Variants in LMNTD1 observed in about 807,000 individuals in gnomAD.
The protein encoded by LMNTD1 is lamin tail domain containing 1.
Under a neutral mutation model 50.9 loss-of-function variants are expected in LMNTD1, and 35 were observed. That is an observed-to-expected ratio of 0.69 (90% CI 0.53 to 0.91). The LOEUF (loss-of-function observed/expected upper bound fraction) is 0.91. Among genes scored for constraint, LMNTD1 ranks in the 40% least tolerant of loss-of-function variants. The pLI is 0.00. For missense variants in LMNTD1, 470 were observed against 475.5 expected (o/e 0.99, Z 0.11); for synonymous variants, 153 against 161.9 (o/e 0.94, Z 0.42).
At chr12:25,591,811 C>CAGAGAGAGAGAGAGAGAGAGAGAGAG in intron 1 of LMNTD1, among the ~76,000 whole-genome samples, 1 of 90,088 alleles carries the variant, frequency 1.1e-5, no homozygotes, top group Admixed American at 1.2e-4. Flanking sequence ...TAGCTCAGAA[C>CAGAGAGAGAGAGAGAGAGAGAGAGAG]AGAGAGAGAG....
chr12:25,600,024 A>G (rs1003199477), intron 1 of LMNTD1, among the ~76,000 whole-genome samples: 1 of 152,100 alleles, frequency 6.6e-6, no homozygotes, highest in East Asian at 1.9e-4. Context: ...AACTGGAGGA[A>G]TCATGTTACC....
intron 1 of LMNTD1, among the ~76,000 whole-genome samples, chr12:25,591,668 G>A (rs957466982): frequency 1.3e-5 from 2 of 151,986 alleles, no homozygotes; most frequent in African/African-American, 4.8e-5. Context: ...AGCAAACATA[G>A]GGCATAGCCA....
chr12:25,641,846 A>G (rs1192294260), intron 1 of LMNTD1, among the ~76,000 whole-genome samples: 2 of 151,942 alleles, frequency 1.3e-5, no homozygotes, highest in Non-Finnish European at 2.9e-5. Flanking sequence ...TTCCCATCCT[A>G]ATTTTTTTTC....
chr12:25,518,617 A>G (rs1197965692), intron 8 of LMNTD1, among the ~76,000 whole-genome samples, 178 bp downstream of exon 8: 4 of 152,214 alleles, frequency 2.6e-5, no homozygotes, highest in African/African-American at 9.6e-5. Flanking sequence ...AGTGGAAGAC[A>G]CTGTGCTAGG....
chr12:25,587,770 G>A (rs1211873762), intron 1 of LMNTD1, among the ~76,000 whole-genome samples: 1 of 152,168 alleles, frequency 6.6e-6, no homozygotes, highest in African/African-American at 2.4e-5. Context: ...GGTTAAGGGA[G>A]GGCATATTGC....
At chr12:25,587,328 C>A (rs1307132078) in intron 1 of LMNTD1, among the ~76,000 whole-genome samples, 1 of 152,230 alleles carries the variant, frequency 6.6e-6, no homozygotes, top group East Asian at 1.9e-4. Context: ...AATTGGCTCA[C>A]TGTTCTGCAA....
chr12:25,553,178 C>A lies in LMNTD1; in HGVS notation c.-140G>T. 1 of 1,597,922 alleles carries A rather than the reference C, an allele frequency of 6.3e-7. No individual in the cohort carries two copies. Among genetic ancestry groups the A allele is most frequent in the African/African-American group, 1.3e-5 (1 of 74,580 alleles). On this transcript the variant is annotated 5_prime_UTR_variant, in exon 1 of 10. Coordinates refer to ENST00000458174, the MANE Select transcript of LMNTD1 (RefSeq NM_001145728.2). ...ATATGTAAGTACCAACATAGCCAAT[C>A]CTGATCTTGGCTAAGGATGTCGGAC...
intron 1 of LMNTD1, among the ~76,000 whole-genome samples, chr12:25,628,873 C>T (rs151200481): frequency 3.3e-5 from 5 of 152,216 alleles, no homozygotes; most frequent in Non-Finnish European, 7.4e-5. Context: ...GGAGAATAAA[C>T]CTGTATTGTT....
chr12:25,548,427 C>G (rs1943561332), intron 3 of LMNTD1, among the ~76,000 whole-genome samples: 1 of 151,774 alleles, frequency 6.6e-6, no homozygotes, highest in Non-Finnish European at 1.5e-5. Context: ...AAACACAAAC[C>G]CCAAATCTCA....
At chr12:25,542,121 G>T (rs906529662) in intron 4 of LMNTD1, among the ~76,000 whole-genome samples, 1 of 150,720 alleles carries the variant, frequency 6.6e-6, no homozygotes, top group African/African-American at 2.4e-5. Context: ...TACACTGTTG[G>T]TGGGACTGTA....
At chr12:25,514,773 G>T (rs1444535670) in intron 8 of LMNTD1, among the ~76,000 whole-genome samples, 3 of 152,054 alleles carry the variant, frequency 2.0e-5, no homozygotes, top group Non-Finnish European at 4.4e-5. Flanking sequence ...ATTATTATGA[G>T]ATAGGGAAAG....
intron 1 of LMNTD1, among the ~76,000 whole-genome samples, chr12:25,564,940 T>A (rs1010451055): frequency 6.6e-5 from 10 of 152,174 alleles, no homozygotes; most frequent in African/African-American, 1.4e-4. Context: ...TAAACTGTTA[T>A]AACCTCTTGC....
intron 1 of LMNTD1, among the ~76,000 whole-genome samples, chr12:25,567,928 G>C (rs1354020107): frequency 2.6e-5 from 4 of 151,992 alleles, no homozygotes; most frequent in African/African-American, 4.8e-5. Context: ...GAAGTGGGGT[G>C]TTTCTATAAA....
At chr12:25,545,789 T>C (rs1943393037) in intron 4 of LMNTD1, among the ~76,000 whole-genome samples, 1 of 151,678 alleles carries the variant, frequency 6.6e-6, no homozygotes, top group Non-Finnish European at 1.5e-5. Context: ...GACCCTCAAC[T>C]CTGATTTCTT....
At position 25,518,821 on chromosome 12, in the gene LMNTD1, C is replaced by T. The variant is rs113088397; in HGVS notation, c.1163G>A (p.Arg388Gln). Reference sequence around the variant, plus strand: ...TGAGGCTCGATTAGGTCTGGTTGACCGAGTCCTGGGCTGTCTATCCAATCT... The same window carrying T: ...TGAGGCTCGATTAGGTCTGGTTGACTGAGTCCTGGGCTGTCTATCCAATCT... ...GGRLDRQPRT[R>Q]STRPNRASGS... Residue 388 changes from arginine (R) to glutamine (Q), a missense_variant, in exon 8 of 10, where the codon CGG becomes CAG. Transcript: ENST00000458174. 2.5e-6 allele frequency: 4 copies of T among 1,614,066 alleles called. No individual in the cohort carries two copies. The highest frequency in any genetic ancestry group is 1.7e-5 in the Admixed American group (1 of 60,006).
At chr12:25,555,965 CTTTTTTTTTTTTT>C (rs71065954), upstream of LMNTD1, among the ~76,000 whole-genome samples, 1 of 69,410 alleles carries the variant, frequency 1.4e-5, no homozygotes, top group Non-Finnish European at 2.8e-5. Flanking sequence ...GTGCAATAAT[CTTTTTTTTTTTTT>C]TTTTTTTTTT....
Position 25,526,140 on chromosome 12 carries a change from T to C in LMNTD1, c.757A>G (p.Ser253Gly). The change falls in exon 6 of 10, where the codon AGT becomes GGT. Residue 253 changes from serine (S) to glycine (G), a missense_variant. Transcript: ENST00000458174. ...LWKEQDKFRA[S>G]PDCITILCKP... is the part of the protein sequence containing the mutation. Reference sequence around the variant, plus strand: ...CACAGGATTGTTATACAATCAGGACTTGCTCTAAACTTGTCTTGTTCCTTC... The same window carrying C: ...CACAGGATTGTTATACAATCAGGACCTGCTCTAAACTTGTCTTGTTCCTTC... 3.1e-6 allele frequency: 5 copies of C among 1,610,642 alleles called. No individual in the cohort carries two copies. Among genetic ancestry groups the C allele is most frequent in the Non-Finnish European group, 4.2e-6 (5 of 1,178,070 alleles).
Position 25,580,926 on chromosome 12 carries a change from C to T in LMNTD1, c.59-34372G>A, listed in dbSNP as rs117020885. ...ATGGGGAAATGGATACCTCCCTTAC[C>T]GGGTTGTTAAGAGAACAAGTAAGAC... is the stretch of plus-strand genomic sequence containing the variant. On this transcript the variant is annotated intron_variant, in intron 1 of 7. Transcript: ENST00000445693. Among the ~76,000 whole-genome samples, 870 of 152,228 alleles carry T rather than the reference C, an allele frequency of 5.7e-3. 4 individuals are homozygous for T. Among genetic ancestry groups the T allele is most frequent in the Non-Finnish European group, 0.01 (699 of 68,004 alleles).
intron 1 of LMNTD1, among the ~76,000 whole-genome samples, chr12:25,592,253 G>A (rs933025331): frequency 1.3e-5 from 2 of 152,196 alleles, no homozygotes; most frequent in South Asian, 2.1e-4. Flanking sequence ...AATGGACAGA[G>A]CAGCACGTGG....
Sources: gnomAD v4.1 joint callset for allele counts (sites outside exome capture counted in the v4.1 genomes callset) on GRCh38, gnomAD v4.1.1 for gene constraint, MANE v1.5 for transcripts, NCBI Gene and HGNC (gene_info 2026-07-23, HGNC 2026-07-21) for gene names.